AK7: variants seen among roughly 807,000 people sequenced by gnomAD.
AK7 encodes the protein adenylate kinase 7, also known as ATP-AMP transphosphorylase 7.
Under a neutral mutation model 96.6 loss-of-function variants are expected in AK7, and 78 were observed. The ratio of observed to expected loss-of-function variants is 0.81; its 90% CI spans 0.67 to 0.97. AK7 has a LOEUF of 0.97. Ranked by LOEUF, AK7 falls within the 50% of genes least tolerant of loss-of-function variation. The pLI is 0.00. For synonymous variants in AK7, 302 were observed against 317.2 expected (o/e 0.95, Z 0.51); for missense variants, 855 against 887.9 (o/e 0.96, Z 0.47).
chr14:96,486,500 A>G (rs547636152), intron 16 of AK7, among the ~76,000 whole-genome samples: 7 of 152,336 alleles, frequency 4.6e-5, no homozygotes, highest in African/African-American at 1.7e-4. Context: ...CACTCAAACC[A>G]AACCACTAGG....
chr14:96,430,382 T>C (rs1446829837), intron 5 of AK7, among the ~76,000 whole-genome samples: 1 of 152,080 alleles, frequency 6.6e-6, no homozygotes, highest in Admixed American at 6.6e-5. Context: ...AGACGGGGTT[T>C]CACTGTGTTA....
intron 15 of AK7, 88 bp downstream of exon 15, chr14:96,478,750 G>T: frequency 1.5e-6 from 2 of 1,322,608 alleles, no homozygotes; most frequent in Non-Finnish European, 1.0e-6. Context: ...GGGCTGGGGG[G>T]AGGGTGGGGA....
intron 2 of AK7, among the ~76,000 whole-genome samples, chr14:96,403,615 T>A (rs1416734932): frequency 6.6e-6 from 1 of 152,202 alleles, no homozygotes; most frequent in African/African-American, 2.4e-5. Flanking sequence ...AGGCATCAAC[T>A]TCCCTTTGTT....
At position 96,437,928 on chromosome 14, in the gene AK7, A is replaced by G. The variant is rs760546995; in HGVS notation, c.690+13A>G. 6.8e-6 allele frequency: 11 copies of G among 1,608,934 alleles called. No individual in the cohort carries two copies. In the Admixed American group the frequency reaches 1.3e-4, roughly 20 times the overall value. On this transcript the variant is annotated intron_variant, in intron 6 of 17. Transcript: ENST00000267584. Reference sequence around the variant, plus strand: ...CACATTTTTTAAGGTATGGCTTTCAATGATGACGTGGAATGTTTAAAAGTG... The same window carrying G: ...CACATTTTTTAAGGTATGGCTTTCAGTGATGACGTGGAATGTTTAAAAGTG...
intron 1 of AK7, among the ~76,000 whole-genome samples, chr14:96,397,402 C>T (rs966771904): frequency 6.6e-6 from 1 of 152,098 alleles, no homozygotes; most frequent in Non-Finnish European, 1.5e-5. Flanking sequence ...GTGTGCACCG[C>T]CATGCCCAGC....
chr14:96,447,371 G>A (rs915050655), intron 8 of AK7, among the ~76,000 whole-genome samples: 7 of 152,218 alleles, frequency 4.6e-5, no homozygotes, highest in East Asian at 1.9e-4. Flanking sequence ...CTGGAGTGCC[G>A]TGGTGTGATC....
rs546019536 is a variant in AK7 at position 96,460,469 on chromosome 14, T to A, written c.1357+2257T>A. 2.4e-4 allele frequency among the ~76,000 whole-genome samples: 36 copies of A among 152,258 alleles called. 1 individual carries two copies. In the South Asian group the frequency reaches 7.5e-3, roughly 32 times the overall value. ...AGGATGTGGCCAACTCGGATGTAAGTTGGCATTGGGTGACAGACGGCATGC... is the reference window on the plus strand; with the variant it reads ...AGGATGTGGCCAACTCGGATGTAAGATGGCATTGGGTGACAGACGGCATGC... On this transcript the variant is annotated intron_variant, in intron 12 of 17. Coordinates refer to ENST00000267584, the MANE Select transcript of AK7 (RefSeq NM_152327.5).
At chr14:96,454,441 GTT>G (rs912609969) in intron 10 of AK7, among the ~76,000 whole-genome samples, 1 of 143,878 alleles carries the variant, frequency 7.0e-6, no homozygotes, top group Non-Finnish European at 1.5e-5. Flanking sequence ...GAGAAATGGT[GTT>G]TTTTTTTTTA....
intron 8 of AK7, among the ~76,000 whole-genome samples, 187 bp downstream of exon 8, chr14:96,446,794 G>A (rs879723039): frequency 8.6e-5 from 13 of 152,006 alleles, no homozygotes; most frequent in Non-Finnish European, 1.6e-4. Context: ...ACAAAAATTA[G>A]CCGGGCATAA....
chr14:96,393,611 CT>C, intron 1 of AK7, among the ~76,000 whole-genome samples: 1 of 152,300 alleles, frequency 6.6e-6, no homozygotes, highest in East Asian at 1.9e-4. Context: ...GTTCTCTCCC[CT>C]GTGTCTCTGT....
At position 96,398,026 on chromosome 14, in the gene AK7, CT is replaced by C. The variant is rs753219128; in HGVS notation, c.106-48del. ...TCTAGAATCATCATTCACTGGCCCC[CT>C]GACTCTAATTTTCTCTTACCATTTG... is the stretch of plus-strand genomic sequence containing the variant. On this transcript the variant is annotated intron_variant, in intron 1 of 17. Transcript: ENST00000267584. 34 of 1,575,058 alleles carry C rather than the reference CT, an allele frequency of 2.2e-5. No individual in the cohort carries two copies. In the East Asian group the frequency reaches 6.5e-4, roughly 30 times the overall value.
chr14:96,398,461 T>C (rs1890215182), intron 2 of AK7, 198 bp downstream of exon 2: 2 of 610,404 alleles, frequency 3.3e-6, no homozygotes, highest in Non-Finnish European at 5.7e-6. Flanking sequence ...AAGCAAAGAG[T>C]TTAAATTAGA....
At chr14:96,481,434 C>A (rs1189394724) in intron 15 of AK7, among the ~76,000 whole-genome samples, 1 of 152,150 alleles carries the variant, frequency 6.6e-6, no homozygotes, top group Non-Finnish European at 1.5e-5. Flanking sequence ...GCAACCTCTG[C>A]CTCCTGGGTT....
At chr14:96,409,599 T>C (rs555158694) in intron 4 of AK7, among the ~76,000 whole-genome samples, 1 of 152,086 alleles carries the variant, frequency 6.6e-6, no homozygotes, top group African/African-American at 2.4e-5. Context: ...AAAAAGAAAA[T>C]ATAAGTAAAA....
chr14:96,483,753 C>T (rs1404801098), intron 16 of AK7, among the ~76,000 whole-genome samples: 2 of 152,142 alleles, frequency 1.3e-5, no homozygotes, highest in African/African-American at 4.8e-5. Flanking sequence ...AAAAACTAGC[C>T]ATTAGCAGGT....
chr14:96,481,097 G>A (rs1435042379), intron 15 of AK7, among the ~76,000 whole-genome samples: 1 of 152,140 alleles, frequency 6.6e-6, no homozygotes, highest in Non-Finnish European at 1.5e-5. Context: ...GCTACCCTGG[G>A]AGCCAAGGCC....
At chr14:96,465,227 C>A (rs928810577) in intron 12 of AK7, among the ~76,000 whole-genome samples, 1 of 151,978 alleles carries the variant, frequency 6.6e-6, no homozygotes, top group South Asian at 2.1e-4. Context: ...TTTGGGAGGC[C>A]GAGGCGGGCG....
intron 12 of AK7, among the ~76,000 whole-genome samples, chr14:96,464,546 A>AAG (rs1894451676): frequency 2.0e-5 from 3 of 146,522 alleles, no homozygotes; most frequent in Non-Finnish European, 4.5e-5. Context: ...CCCTGTCCCA[A>AAG]AAAAAAAAAA....
At chr14:96,485,794 CT>C (rs758883552) in intron 16 of AK7, among the ~76,000 whole-genome samples, 22,656 of 128,828 alleles carry the variant, frequency 0.18, 1,410 homozygotes, top group African/African-American at 0.28. Flanking sequence ...TCAGCTAGGA[CT>C]TTTTTTTTTT....
Sources: gnomAD v4.1 joint callset for allele counts (sites outside exome capture counted in the v4.1 genomes callset) on GRCh38, gnomAD v4.1.1 for gene constraint, MANE v1.5 for transcripts, NCBI Gene and HGNC (gene_info 2026-07-23, HGNC 2026-07-21) for gene names.